Variants in CPS1 observed in about 807,000 individuals in gnomAD.
CPS1 encodes carbamoyl-phosphate synthase [ammonia], mitochondrial.
A neutral mutation model predicts 174.6 loss-of-function variants in CPS1; 109 were observed. The observed-to-expected ratio is 0.62, with a 90% confidence interval of 0.53 to 0.73. The LOEUF is 0.73. Ranked by LOEUF, CPS1 falls within the 30% of genes least tolerant of loss-of-function variation. CPS1 has a pLI of 0.00. For synonymous variants in CPS1, 637 were observed against 632.0 expected (o/e 1.01, Z -0.12); for missense variants, 1,689 against 1,821.9 (o/e 0.93, Z 1.33).
At chr2:210,653,218 C>T (rs1448882336) in intron 28 of CPS1, among the ~76,000 whole-genome samples, 1 of 152,120 alleles carries the variant, frequency 6.6e-6, no homozygotes, top group East Asian at 1.9e-4. Flanking sequence ...GGTAAAAAGA[C>T]AGTGGCCCAG....
At chr2:210,620,915 T>C (rs1699498281) in intron 21 of CPS1, among the ~76,000 whole-genome samples, 1 of 152,094 alleles carries the variant, frequency 6.6e-6, no homozygotes, top group African/African-American at 2.4e-5. Context: ...GCATCCTAGC[T>C]TTGAGTGCTT....
At chr2:210,629,574 C>T (rs1005609363) in intron 21 of CPS1, among the ~76,000 whole-genome samples, 1 of 151,728 alleles carries the variant, frequency 6.6e-6, no homozygotes, top group Non-Finnish European at 1.5e-5. Flanking sequence ...CTCGGCCTCT[C>T]AAAGTGCTGG....
At chr2:210,573,247 G>T (rs765865675) in intron 1 of CPS1, 51 bp from the exon 2 acceptor site, 3 of 1,436,124 alleles carry the variant, frequency 2.1e-6, no homozygotes, top group Non-Finnish European at 2.9e-6. Flanking sequence ...GAATATTTTT[G>T]TGTGTTTTGT....
At chr2:210,626,819 T>C (rs1699712272) in intron 21 of CPS1, among the ~76,000 whole-genome samples, 1 of 152,168 alleles carries the variant, frequency 6.6e-6, no homozygotes, top group African/African-American at 2.4e-5. Context: ...AAGGCAAAAA[T>C]AAATACTTAT....
At chr2:210,600,735 A>G (rs945564710) in intron 15 of CPS1, 23 bp downstream of exon 15, 20 of 1,610,742 alleles carry the variant, frequency 1.2e-5, no homozygotes, top group Non-Finnish European at 1.7e-5. Context: ...TGCTTTGGAA[A>G]AACAAGGGCA....
At chr2:210,562,435 A>G (rs1055904099) in intron 1 of CPS1, among the ~76,000 whole-genome samples, 2 of 152,226 alleles carry the variant, frequency 1.3e-5, no homozygotes, top group African/African-American at 4.8e-5. Context: ...CTCATGAAAT[A>G]TTTCAAAGAC....
chr2:210,551,070 G>C (rs955430382), intron 1 of CPS1, among the ~76,000 whole-genome samples: 1 of 151,726 alleles, frequency 6.6e-6, no homozygotes. Context: ...TTTTATAATT[G>C]CTATATATGC....
chr2:210,655,842 C>T (rs1027825774), intron 29 of CPS1, among the ~76,000 whole-genome samples: 2 of 152,178 alleles, frequency 1.3e-5, no homozygotes, highest in Admixed American at 6.5e-5. Context: ...TTCTCCCTTA[C>T]TCTCAGCTGC....
At chr2:210,557,206 A>AT (rs1212483045) in intron 1 of CPS1, among the ~76,000 whole-genome samples, 1 of 152,108 alleles carries the variant, frequency 6.6e-6, no homozygotes, top group Non-Finnish European at 1.5e-5. Context: ...GGAGCTGCTT[A>AT]TATGTGTGTG....
chr2:210,514,081 T>G (rs552663334), intron 1 of CPS1, among the ~76,000 whole-genome samples: 28 of 152,254 alleles, frequency 1.8e-4, no homozygotes, highest in African/African-American at 6.3e-4. Flanking sequence ...TTTTTGTTAC[T>G]GTAGCTTTAT....
At chr2:210,587,278 A>G (rs752268234) in intron 6 of CPS1, among the ~76,000 whole-genome samples, 12 of 152,076 alleles carry the variant, frequency 7.9e-5, no homozygotes, top group South Asian at 2.1e-4. Context: ...CGATGAAATC[A>G]TCCTAAATTC....
intron 1 of CPS1, among the ~76,000 whole-genome samples, chr2:210,521,077 G>A (rs1262060362): frequency 2.0e-5 from 3 of 151,996 alleles, no homozygotes; most frequent in African/African-American, 7.2e-5. Flanking sequence ...GTGTATAGGA[G>A]TTTCAATTCT....
chr2:210,517,344 G>C (rs1049070728), intron 1 of CPS1, among the ~76,000 whole-genome samples: 3 of 152,004 alleles, frequency 2.0e-5, no homozygotes, highest in African/African-American at 7.2e-5. Context: ...GCATAGGTCA[G>C]AAGTCCACGG....
At chr2:210,592,131 C>G (rs571872282) in intron 10 of CPS1, among the ~76,000 whole-genome samples, 162 bp downstream of exon 10, 1 of 152,048 alleles carries the variant, frequency 6.6e-6, no homozygotes, top group Non-Finnish European at 1.5e-5. Context: ...ACCATCACCT[C>G]ATTTTTTATT....
chr2:210,544,778 A>C (rs1475649165), intron 1 of CPS1, among the ~76,000 whole-genome samples: 2 of 152,026 alleles, frequency 1.3e-5, no homozygotes, highest in African/African-American at 4.8e-5. Flanking sequence ...AGTATAATAT[A>C]ATAGGTATGT....
At chr2:210,534,872 T>C (rs1291331889) in intron 1 of CPS1, among the ~76,000 whole-genome samples, 1 of 152,182 alleles carries the variant, frequency 6.6e-6, no homozygotes, top group Non-Finnish European at 1.5e-5. Flanking sequence ...CATCCTGGCA[T>C]GAGGGGAGGA....
intron 26 of CPS1, 118 bp downstream of exon 26, chr2:210,648,175 C>G (rs1031303990): frequency 2.0e-6 from 2 of 1,001,784 alleles, no homozygotes; most frequent in Admixed American, 4.4e-5. Context: ...AATGCATACA[C>G]TTAGTGAATT....
At chr2:210,588,302 A>T (rs1250359787) in intron 7 of CPS1, among the ~76,000 whole-genome samples, 155 bp downstream of exon 7, 1 of 151,986 alleles carries the variant, frequency 6.6e-6, no homozygotes, top group Non-Finnish European at 1.5e-5. Context: ...TAACACATTT[A>T]TCCCTGTTCA....
At position 210,639,994 on chromosome 2, in the gene CPS1, A is replaced by C; in HGVS notation, c.2896-2A>C. On this transcript the variant is annotated splice_acceptor_variant, in intron 23 of 37. Transcript: ENST00000233072. LOFTEE classifies it high-confidence loss of function. ...TGCATCTTCCTTTTCTTATTTCCTC[A>C]GGAGCATGATGTCAATTTTGATGAC... The C allele has an allele frequency of 6.2e-7, 1 of 1,607,066 alleles. No individual in the cohort carries two copies. Among genetic ancestry groups the C allele is most frequent in the Non-Finnish European group, 8.5e-7 (1 of 1,174,230 alleles).
Sources: allele counts gnomAD v4.1 joint callset (sites outside exome capture counted in the v4.1 genomes callset), GRCh38; gene constraint gnomAD v4.1.1; transcripts MANE v1.5; gene names NCBI Gene and HGNC (gene_info 2026-07-23, HGNC 2026-07-21).